The following EXOC4 variants were observed in gnomAD, a reference collection of about 807,000 sequenced individuals.
The protein encoded by EXOC4 is SEC8-like 1.
A neutral mutation model predicts 107.2 loss-of-function variants in EXOC4; 71 were observed. The observed-to-expected ratio is 0.66, with a 90% confidence interval of 0.55 to 0.81. EXOC4 has a LOEUF of 0.81. Among genes scored for constraint, EXOC4 ranks in the 30% least tolerant of loss-of-function variants. The pLI is 0.00. For synonymous variants in EXOC4, 456 were observed against 441.2 expected, an observed-to-expected ratio of 1.03 and a Z score of -0.42; for missense variants, 1,108 against 1,189.6, an observed-to-expected ratio of 0.93 and a Z score of 1.01.
chr7:133,275,085 C>T lies in EXOC4; in HGVS notation c.190C>T (p.Gln64Ter), dbSNP rs1793957839. The T allele has an allele frequency of 1.2e-6, 2 of 1,613,700 alleles. No individual in the cohort carries two copies. The highest frequency in any genetic ancestry group is 1.7e-5 in the Admixed American group (1 of 59,970). ...CCGTGACCTGGATGAATTGATTGTA[C>T]AGCACTACACAGAATTGACGACAGC... ...CDRDLDELIV[Q>*]HYTELTTAIR... Residue 64 changes from glutamine to a stop codon, truncating the protein, a stop_gained, in exon 2 of 18, where the codon CAG becomes TAG. Coordinates refer to ENST00000253861, the MANE Select transcript of EXOC4 (RefSeq NM_021807.4). LOFTEE classifies it high-confidence loss of function.
intron 1 of EXOC4, among the ~76,000 whole-genome samples, chr7:133,265,405 A>G (rs1027453475): frequency 6.8e-6 from 1 of 146,248 alleles, no homozygotes; most frequent in East Asian, 2.0e-4. Flanking sequence ...GACTCTGTCT[A>G]AAAAAAAAAA....
At chr7:133,428,743 C>T (rs1442703520) in intron 7 of EXOC4, among the ~76,000 whole-genome samples, 1 of 152,120 alleles carries the variant, frequency 6.6e-6, no homozygotes, top group East Asian at 1.9e-4. Context: ...ATGCCACTTG[C>T]TTTCTTTTAT....
intron 9 of EXOC4, among the ~76,000 whole-genome samples, chr7:133,618,164 A>T (rs1372351675): frequency 6.6e-6 from 1 of 152,064 alleles, no homozygotes; most frequent in Non-Finnish European, 1.5e-5. Context: ...CCTGCCTTTT[A>T]TACCTTTTTC....
chr7:133,428,521 T>C (rs903748381), intron 7 of EXOC4, among the ~76,000 whole-genome samples: 1 of 152,220 alleles, frequency 6.6e-6, no homozygotes, highest in Non-Finnish European at 1.5e-5. Context: ...TCTGTTCTAT[T>C]CTGTTCTGTT....
chr7:133,349,792 A>T (rs1181851782), intron 5 of EXOC4, among the ~76,000 whole-genome samples: 1 of 152,056 alleles, frequency 6.6e-6, no homozygotes, highest in Non-Finnish European at 1.5e-5. Context: ...ACAGCAGTGC[A>T]CAAGCGTTCC....
intron 9 of EXOC4, among the ~76,000 whole-genome samples, chr7:133,579,188 T>C (rs915413411): frequency 1.2e-4 from 19 of 152,292 alleles, no homozygotes; most frequent in Admixed American, 4.6e-4. Flanking sequence ...TTTAGGTCTC[T>C]AGCCATCCAT....
intron 7 of EXOC4, among the ~76,000 whole-genome samples, chr7:133,401,174 CTT>C (rs34379831): frequency 1.1e-4 from 16 of 143,120 alleles, no homozygotes; most frequent in Non-Finnish European, 1.1e-4. Context: ...CCAGAGCCCA[CTT>C]TTTTTTTTTT....
chr7:133,506,038 T>C (rs1332602978), intron 9 of EXOC4, among the ~76,000 whole-genome samples: 1 of 152,162 alleles, frequency 6.6e-6, no homozygotes, highest in African/African-American at 2.4e-5. Context: ...CAACTAGAGT[T>C]TTTTAAAAAT....
At chr7:133,477,730 C>G (rs1189002458) in intron 8 of EXOC4, among the ~76,000 whole-genome samples, 1 of 152,228 alleles carries the variant, frequency 6.6e-6, no homozygotes, top group East Asian at 1.9e-4. Flanking sequence ...CACTGTCAAA[C>G]TGTCTTCTAA....
intron 7 of EXOC4, among the ~76,000 whole-genome samples, chr7:133,378,942 A>T (rs940248336): frequency 7.2e-5 from 11 of 152,148 alleles, no homozygotes; most frequent in South Asian, 2.1e-4. Flanking sequence ...TACTGGATTT[A>T]AAAAAAACCA....
intron 14 of EXOC4, among the ~76,000 whole-genome samples, chr7:133,941,222 C>T (rs1800420297): frequency 6.6e-6 from 1 of 152,158 alleles, no homozygotes; most frequent in Admixed American, 6.5e-5. Flanking sequence ...TGGTCTCGAA[C>T]TCCTGATCTC....
At chr7:133,281,860 C>G (rs569174501) in intron 2 of EXOC4, among the ~76,000 whole-genome samples, 1 of 152,110 alleles carries the variant, frequency 6.6e-6, no homozygotes, top group Admixed American at 6.5e-5. Context: ...CACCACCACA[C>G]CTGGCTAATA....
At chr7:133,526,376 A>G (rs1039645769) in intron 9 of EXOC4, among the ~76,000 whole-genome samples, 3 of 152,192 alleles carry the variant, frequency 2.0e-5, no homozygotes, top group Non-Finnish European at 4.4e-5. Flanking sequence ...TGGGATTGCT[A>G]ATTTAAAATA....
intron 10 of EXOC4, among the ~76,000 whole-genome samples, chr7:133,786,107 C>CA (rs1415858584): frequency 6.6e-6 from 1 of 152,102 alleles, no homozygotes; most frequent in Non-Finnish European, 1.5e-5. Context: ...TAAACCAATA[C>CA]AAAAAAGCAG....
chr7:134,038,351 T>G (rs1795439459), intron 17 of EXOC4, among the ~76,000 whole-genome samples: 1 of 152,186 alleles, frequency 6.6e-6, no homozygotes, highest in Non-Finnish European at 1.5e-5. Flanking sequence ...TATTAGGCAT[T>G]ACAGAATAAA....
chr7:133,526,842 T>C (rs2150917438), intron 9 of EXOC4, among the ~76,000 whole-genome samples: 1 of 152,042 alleles, frequency 6.6e-6, no homozygotes, highest in South Asian at 2.1e-4. Context: ...CATGGTGGCA[T>C]GTGTCTGTAG....
intron 5 of EXOC4, among the ~76,000 whole-genome samples, chr7:133,351,940 A>G (rs921959143): frequency 2.6e-5 from 4 of 151,958 alleles, no homozygotes; most frequent in Middle Eastern, 3.4e-3. Flanking sequence ...TCTTTGATAC[A>G]TTGGTTTTTA....
intron 12 of EXOC4, among the ~76,000 whole-genome samples, chr7:133,909,132 C>T (rs1482097775): frequency 6.6e-6 from 1 of 152,064 alleles, no homozygotes; most frequent in Non-Finnish European, 1.5e-5. Context: ...ATTTTCCTGG[C>T]GTTTTGTGCT....
intron 14 of EXOC4, among the ~76,000 whole-genome samples, chr7:133,969,875 A>G (rs1454914116): frequency 1.3e-5 from 2 of 152,204 alleles, no homozygotes; most frequent in African/African-American, 4.8e-5. Flanking sequence ...CTGTGCTGGG[A>G]GATCTGCTGC....
Sources: allele counts gnomAD v4.1 joint callset (sites outside exome capture counted in the v4.1 genomes callset), GRCh38; gene constraint gnomAD v4.1.1; transcripts MANE v1.5; gene names NCBI Gene and HGNC (gene_info 2026-07-23, HGNC 2026-07-21).